NOVA1: variants seen among roughly 807,000 people sequenced by gnomAD.
NOVA1 encodes NOVA alternative splicing regulator 1, also known as RNA-binding protein Nova-1.
NOVA1 carries 7 observed loss-of-function variants against 38.0 expected under a neutral mutation model. The ratio of observed to expected loss-of-function variants is 0.18; its 90% CI spans 0.10 to 0.35. The LOEUF (loss-of-function observed/expected upper bound fraction) is 0.35, where lower values mean the gene tolerates loss of function less well. NOVA1 is among the 10% of genes least tolerant of loss of function. The pLI is 1.00. For missense variants in NOVA1, 460 were observed against 616.0 expected (o/e 0.75, Z 2.68); for synonymous variants, 270 against 232.5 (o/e 1.16, Z -1.47).
chr14:26,564,000 T>C (rs1891980630), intron 2 of NOVA1, among the ~76,000 whole-genome samples: 1 of 152,136 alleles, frequency 6.6e-6, no homozygotes, highest in Admixed American at 6.6e-5. Context: ...TTTTCATCAT[T>C]TTACAGATGA....
At chr14:26,486,727 A>AAAAGC (rs1674196448) in intron 2 of NOVA1, among the ~76,000 whole-genome samples, 1 of 138,384 alleles carries the variant, frequency 7.2e-6, no homozygotes, top group Non-Finnish European at 1.6e-5. Context: ...AAAAAGCCAA[A>AAAAGC]CAAACAAAAA....
chr14:26,468,217 A>G (rs893858611), intron 4 of NOVA1, among the ~76,000 whole-genome samples: 51 of 151,934 alleles, frequency 3.4e-4, no homozygotes, highest in African/African-American at 8.9e-4. Flanking sequence ...GTGGAGAGGG[A>G]CGTGTGGCAG....
At chr14:26,539,391 G>A (rs1206612396) in intron 2 of NOVA1, among the ~76,000 whole-genome samples, 1 of 151,944 alleles carries the variant, frequency 6.6e-6, no homozygotes, top group Non-Finnish European at 1.5e-5. Flanking sequence ...GACAAATCTG[G>A]AAAACAAAAC....
At chr14:26,497,678 A>G (rs1441712200) in intron 2 of NOVA1, among the ~76,000 whole-genome samples, 5 of 152,200 alleles carry the variant, frequency 3.3e-5, no homozygotes, top group Non-Finnish European at 7.3e-5. Flanking sequence ...TATATTTTCT[A>G]TCACATACCC....
intron 2 of NOVA1, among the ~76,000 whole-genome samples, chr14:26,532,114 T>C (rs1235928463): frequency 1.3e-5 from 2 of 152,168 alleles, no homozygotes; most frequent in African/African-American, 4.8e-5. Flanking sequence ...GAATGTAAAA[T>C]GACACAACCC....
At chr14:26,569,978 C>T (rs1051468983) in intron 2 of NOVA1, among the ~76,000 whole-genome samples, 1 of 152,174 alleles carries the variant, frequency 6.6e-6, no homozygotes, top group Admixed American at 6.5e-5. Flanking sequence ...ATTTCTGGCT[C>T]TTTGCCTTAA....
At chr14:26,455,739 A>G (rs929965379) in intron 4 of NOVA1, among the ~76,000 whole-genome samples, 1 of 152,066 alleles carries the variant, frequency 6.6e-6, no homozygotes, top group African/African-American at 2.4e-5. Flanking sequence ...TGAAGGAGGA[A>G]CAGAAGAGAA....
chr14:26,562,948 T>C (rs965625959), intron 2 of NOVA1, among the ~76,000 whole-genome samples: 1 of 152,040 alleles, frequency 6.6e-6, no homozygotes, highest in African/African-American at 2.4e-5. Flanking sequence ...CAGGCAGATA[T>C]ACACCATGCA....
At chr14:26,521,148 A>G (rs1168169984) in intron 2 of NOVA1, among the ~76,000 whole-genome samples, 1 of 152,066 alleles carries the variant, frequency 6.6e-6, no homozygotes, top group Non-Finnish European at 1.5e-5. Flanking sequence ...CATTTGAGGT[A>G]GTTCAGCATG....
chr14:26,539,728 C>G (rs1029673852), intron 2 of NOVA1, among the ~76,000 whole-genome samples: 24 of 151,544 alleles, frequency 1.6e-4, no homozygotes, highest in Admixed American at 1.5e-3. Context: ...ACACTGACAA[C>G]TCAAATAATT....
intron 2 of NOVA1, among the ~76,000 whole-genome samples, chr14:26,553,843 C>T (rs938077006): frequency 6.6e-6 from 1 of 152,044 alleles, no homozygotes; most frequent in Non-Finnish European, 1.5e-5. Context: ...ACTCCTCTCC[C>T]GTCCTCATAG....
intron 4 of NOVA1, among the ~76,000 whole-genome samples, chr14:26,460,523 TA>T (rs1480319921): frequency 6.6e-6 from 1 of 152,034 alleles, no homozygotes; most frequent in Non-Finnish European, 1.5e-5. Flanking sequence ...TTTTCAAAAA[TA>T]TTTTTAAAGA....
chr14:26,472,240 A>G, intron 4 of NOVA1, 80 bp downstream of exon 4: 1 of 826,090 alleles, frequency 1.2e-6, no homozygotes, highest in South Asian at 1.4e-5. Context: ...ATAAATCCTT[A>G]ACCCACCATT....
intron 2 of NOVA1, among the ~76,000 whole-genome samples, chr14:26,561,590 T>C (rs1891827404): frequency 6.6e-6 from 1 of 152,098 alleles, no homozygotes; most frequent in African/African-American, 2.4e-5. Flanking sequence ...AAGAGAAGAA[T>C]AGAAAAATTA....
intron 2 of NOVA1, among the ~76,000 whole-genome samples, chr14:26,539,530 T>C (rs1461370163): frequency 1.4e-5 from 2 of 139,256 alleles, no homozygotes; most frequent in African/African-American, 2.9e-5. Flanking sequence ...AGAGCTCTTA[T>C]GTATATATAT....
intron 2 of NOVA1, among the ~76,000 whole-genome samples, chr14:26,503,128 G>A (rs984058819): frequency 5.9e-5 from 9 of 151,988 alleles, no homozygotes; most frequent in African/African-American, 2.2e-4. Flanking sequence ...GGGAGAAAGC[G>A]ACGATGAAAC....
intron 2 of NOVA1, among the ~76,000 whole-genome samples, chr14:26,535,153 T>C (rs1403255366): frequency 6.6e-6 from 1 of 152,148 alleles, no homozygotes; most frequent in East Asian, 1.9e-4. Context: ...GGAATAATAT[T>C]ACATGAAATA....
At chr14:26,573,793 C>T (rs910772205) in intron 2 of NOVA1, among the ~76,000 whole-genome samples, 1 of 152,012 alleles carries the variant, frequency 6.6e-6, no homozygotes, top group Non-Finnish European at 1.5e-5. Flanking sequence ...AAATGTAAAG[C>T]TAATCAGAAA....
At chr14:26,475,441 A>G (rs1392434302) in intron 3 of NOVA1, among the ~76,000 whole-genome samples, 1 of 152,220 alleles carries the variant, frequency 6.6e-6, no homozygotes, top group Non-Finnish European at 1.5e-5. Context: ...GATATACATC[A>G]TGAAGATGTA....
Sources: gnomAD v4.1 joint callset for allele counts (sites outside exome capture counted in the v4.1 genomes callset) on GRCh38, gnomAD v4.1.1 for gene constraint, MANE v1.5 for transcripts, NCBI Gene and HGNC (gene_info 2026-07-23, HGNC 2026-07-21) for gene names.